The following RANBP17 variants were observed in gnomAD, a reference collection of about 807,000 sequenced individuals.
RANBP17 encodes the protein RAN binding protein 17, also known as ran-binding protein 17.
A neutral mutation model predicts 141.2 loss-of-function variants in RANBP17; 158 were observed. The ratio of observed to expected loss-of-function variants is 1.12; its 90% confidence interval spans 0.98 to 1.28. The LOEUF (loss-of-function observed/expected upper bound fraction) is 1.28, where lower values mean the gene tolerates loss of function less well. Among genes scored for constraint, RANBP17 ranks in the 50% most tolerant of loss-of-function variants. The pLI is 0.00. For missense variants in RANBP17, 1,438 were observed against 1,290.7 expected, an observed-to-expected ratio of 1.11 and a Z score of -1.75; for synonymous variants, 430 against 450.0, an observed-to-expected ratio of 0.96 and a Z score of 0.56.
intron 14 of RANBP17, among the ~76,000 whole-genome samples, chr5:171,090,358 G>A (rs1786153579): frequency 6.6e-6 from 1 of 152,202 alleles, no homozygotes; most frequent in Non-Finnish European, 1.5e-5. Flanking sequence ...ATTCGAGAGA[G>A]ATGATTTAGG....
rs2128048737 is a variant in RANBP17 at position 171,298,840 on chromosome 5, T to C, written c.3249T>C (p.Ser1083=). The change falls in exon 28 of 28, where the codon AGT becomes AGC. Residue 1083 remains serine (S), a synonymous_variant. Coordinates refer to ENST00000523189, the MANE Select transcript of RANBP17 (RefSeq NM_022897.5). ...LRSDGNTEPC[S]LDMMS ...GTGATGGCAACACTGAACCATGCAG[T>C]CTCGACATGATGAGCTGACCCGACT... The C allele has an allele frequency of 3.7e-6, 6 of 1,614,028 alleles. No individual in the cohort carries two copies. The South Asian group carries it at 5.5e-5, about 15-fold the overall frequency.
chr5:171,202,402 G>T (rs528231810), intron 19 of RANBP17, among the ~76,000 whole-genome samples: 1 of 152,258 alleles, frequency 6.6e-6, no homozygotes, highest in African/African-American at 2.4e-5. Context: ...GAAAATGAAT[G>T]AAAACTTCTC....
chr5:171,062,673 G>A (rs1335767305), intron 14 of RANBP17, among the ~76,000 whole-genome samples: 11 of 151,400 alleles, frequency 7.3e-5, no homozygotes, highest in Non-Finnish European at 7.4e-5. Context: ...TCTTTGTAGC[G>A]TTCTCTGTAT....
intron 22 of RANBP17, among the ~76,000 whole-genome samples, chr5:171,237,816 G>T (rs1046267622): frequency 3.9e-5 from 6 of 152,118 alleles, no homozygotes; most frequent in African/African-American, 1.4e-4. Context: ...GAACTTTCTA[G>T]GTGTGGAGTG....
intron 14 of RANBP17, among the ~76,000 whole-genome samples, chr5:171,010,206 T>A (rs1259983538): frequency 6.6e-6 from 1 of 152,052 alleles, no homozygotes; most frequent in African/African-American, 2.4e-5. Context: ...TAAAGAGAGA[T>A]CTTAGCAGTT....
intron 12 of RANBP17, among the ~76,000 whole-genome samples, chr5:170,940,775 A>T (rs1001053586): frequency 3.9e-5 from 6 of 152,204 alleles, no homozygotes; most frequent in African/African-American, 1.4e-4. Context: ...AAAACACTGG[A>T]ACCAACAGTT....
At chr5:170,882,804 G>A (rs1170182355) in intron 3 of RANBP17, among the ~76,000 whole-genome samples, 2 of 152,164 alleles carry the variant, frequency 1.3e-5, no homozygotes, top group African/African-American at 4.8e-5. Context: ...GTAGCAGTAT[G>A]TTTTTTGGAG....
intron 14 of RANBP17, among the ~76,000 whole-genome samples, chr5:171,017,288 T>G (rs1459627117): frequency 2.6e-5 from 4 of 152,170 alleles, no homozygotes; most frequent in African/African-American, 9.7e-5. Context: ...ATTGCTGGGT[T>G]AAATGGTATT....
intron 14 of RANBP17, among the ~76,000 whole-genome samples, chr5:171,032,018 A>G (rs1781578629): frequency 6.6e-6 from 1 of 152,122 alleles, no homozygotes; most frequent in Non-Finnish European, 1.5e-5. Context: ...TATTCTTAGA[A>G]TATGTCACTT....
At chr5:171,022,532 A>C (rs1780940511) in intron 14 of RANBP17, among the ~76,000 whole-genome samples, 1 of 152,196 alleles carries the variant, frequency 6.6e-6, no homozygotes. Context: ...CCAGTGAGGA[A>C]GGATGGGTCA....
Position 171,006,832 on chromosome 5 carries a change from G to A in RANBP17, c.1710+38455G>A, listed in dbSNP as rs897066614. Among the ~76,000 whole-genome samples, 35 of 151,994 alleles carry A rather than the reference G, an allele frequency of 2.3e-4. 1 individual carries two copies. Among genetic ancestry groups the A allele is most frequent in the Non-Finnish European group, 5.9e-5 (4 of 68,020 alleles). On this transcript the variant is annotated intron_variant, in intron 14 of 27. Coordinates refer to ENST00000523189, the MANE Select transcript of RANBP17 (RefSeq NM_022897.5). The stretch of plus-strand genomic sequence containing the variant: ...TAAGGGTTGCTGCTAAGCGGGCCAT[G>A]AACTGGGCTGGGTTTTCGTCTTTAC...
At chr5:170,912,991 G>A (rs9284981) in intron 7 of RANBP17, among the ~76,000 whole-genome samples, 92,911 of 151,714 alleles carry the variant, frequency 0.61, 29,855 homozygotes, top group South Asian at 0.9. Flanking sequence ...TCCTCCTACA[G>A]AGGATTGGGG....
intron 25 of RANBP17, 151 bp from the exon 26 acceptor site, chr5:171,293,732 A>C: frequency 3.2e-6 from 2 of 622,036 alleles, no homozygotes; most frequent in Non-Finnish European, 5.8e-6. Context: ...AGGCAGCCTT[A>C]TAAGCTTCCA....
At chr5:171,291,227 C>T (rs1258036146) in intron 25 of RANBP17, among the ~76,000 whole-genome samples, 3 of 152,180 alleles carry the variant, frequency 2.0e-5, no homozygotes, top group Admixed American at 2.0e-4. Context: ...ACAACTCTGC[C>T]TCAGAAATGG....
At chr5:171,234,613 T>G (rs1231232475) in intron 22 of RANBP17, among the ~76,000 whole-genome samples, 1 of 152,134 alleles carries the variant, frequency 6.6e-6, no homozygotes, top group Non-Finnish European at 1.5e-5. Flanking sequence ...GGATATATTA[T>G]GAAAGTAAGA....
Position 171,158,426 on chromosome 5 carries a change from A to G in RANBP17, c.1711-11704A>G, listed in dbSNP as rs79517845. 262 of 192,678 alleles carry G rather than the reference A, an allele frequency of 1.4e-3. 3 individuals carry two copies. The East Asian group carries it at 0.019, about 14-fold the overall frequency. 11.9% of individuals were successfully genotyped at this position (192,678 alleles called of 1,614,324 possible). A position where few individuals can be genotyped will look rare whatever the true frequency, so the allele number is the denominator to read the frequency against. On this transcript the variant is annotated intron_variant, in intron 14 of 27. Coordinates refer to ENST00000523189, the MANE Select transcript of RANBP17 (RefSeq NM_022897.5). ...TTTGAAACAAGTTTCTCCTATGTGA[A>G]TTGCATTTTCTGGTTGACACCCATT...
chr5:171,089,551 C>A (rs1786038723), intron 14 of RANBP17, among the ~76,000 whole-genome samples: 1 of 151,970 alleles, frequency 6.6e-6, no homozygotes, highest in South Asian at 2.1e-4. Flanking sequence ...GGCGCCCCTC[C>A]CCCGGCCTCG....
intron 19 of RANBP17, among the ~76,000 whole-genome samples, chr5:171,201,537 A>T (rs1455362192): frequency 6.6e-6 from 1 of 152,220 alleles, no homozygotes; most frequent in Admixed American, 6.5e-5. Context: ...ATGGAGTTAG[A>T]TGCTCTTTAT....
At chr5:170,897,443 C>A in intron 5 of RANBP17, 3 of 381,252 alleles carry the variant, frequency 7.9e-6, no homozygotes, top group Non-Finnish European at 1.5e-5. Context: ...TTCTTGGATA[C>A]ATGTGCAGAA....
Sources: allele counts gnomAD v4.1 joint callset (sites outside exome capture counted in the v4.1 genomes callset), GRCh38; gene constraint gnomAD v4.1.1; transcripts MANE v1.5; gene names NCBI Gene and HGNC (gene_info 2026-07-23, HGNC 2026-07-21).